TEX9: variants seen among roughly 807,000 people sequenced by gnomAD.
The protein encoded by TEX9 is testis-expressed protein 9.
Under a neutral mutation model 59.6 loss-of-function variants are expected in TEX9, and 74 were observed. The observed-to-expected ratio is 1.24, with a 90% CI of 1.03 to 1.51. The LOEUF (loss-of-function observed/expected upper bound fraction) is 1.51, where lower values mean the gene tolerates loss of function less well. Among genes scored for constraint, TEX9 ranks in the 40% most tolerant of loss-of-function variants. TEX9 has a pLI of 0.00. For synonymous variants in TEX9, 186 were observed against 152.2 expected, an observed-to-expected ratio of 1.22 and a Z score of -1.64; for missense variants, 522 against 447.8, an observed-to-expected ratio of 1.17 and a Z score of -1.49.
At chr15:56,397,358 G>A (rs1169234852) in intron 9 of TEX9, 1 of 152,442 alleles carries the variant, frequency 6.6e-6, no homozygotes, top group Non-Finnish European at 1.5e-5. Context: ...TGCTGTTAAA[G>A]GCATCCAGTT....
At chr15:56,443,873 TAC>T in intron 12 of TEX9, 1 of 1,528,894 alleles carries the variant, frequency 6.5e-7, no homozygotes, top group Non-Finnish European at 8.9e-7. Context: ...CAATAACAAG[TAC>T]AGATTTATAG....
At chr15:56,352,718 T>G (rs1453557723) in intron 1 of TEX9, among the ~76,000 whole-genome samples, 1 of 152,196 alleles carries the variant, frequency 6.6e-6, no homozygotes, top group Non-Finnish European at 1.5e-5. Context: ...ATCAGGTTAC[T>G]GGAAAGCAGC....
At chr15:56,351,587 C>T (rs1381981823) in intron 1 of TEX9, among the ~76,000 whole-genome samples, 1 of 152,010 alleles carries the variant, frequency 6.6e-6, no homozygotes. Flanking sequence ...GGGAGAACAG[C>T]AGGAAAAGCC....
intron 1 of TEX9, among the ~76,000 whole-genome samples, chr15:56,261,396 C>T (rs1331452831): frequency 6.6e-6 from 1 of 151,856 alleles, no homozygotes; most frequent in South Asian, 2.1e-4. Flanking sequence ...AGAACCCACA[C>T]AGTAATTTTA....
chr15:56,279,610 T>C (rs2044765450), intron 1 of TEX9, among the ~76,000 whole-genome samples: 2 of 152,200 alleles, frequency 1.3e-5, no homozygotes, highest in South Asian at 4.1e-4. Flanking sequence ...CACCTAATTT[T>C]ATGGAATTTA....
intron 1 of TEX9, among the ~76,000 whole-genome samples, chr15:56,254,175 A>G (rs1465186377): frequency 6.6e-6 from 1 of 152,070 alleles, no homozygotes; most frequent in Non-Finnish European, 1.5e-5. Flanking sequence ...GACAAGAAAA[A>G]TGCCGTAAGT....
At chr15:56,319,375 C>T (rs1199038151) in intron 1 of TEX9, among the ~76,000 whole-genome samples, 1 of 151,196 alleles carries the variant, frequency 6.6e-6, no homozygotes, top group Non-Finnish European at 1.5e-5. Context: ...GTCAACAAAA[C>T]AAGACATATA....
At chr15:56,391,497 C>T in intron 7 of TEX9, 79 bp downstream of exon 7, 3 of 1,021,112 alleles carry the variant, frequency 2.9e-6, no homozygotes, top group Non-Finnish European at 4.0e-6. Flanking sequence ...ACTATTTCTT[C>T]CATTTAAAAA....
intron 1 of TEX9, among the ~76,000 whole-genome samples, chr15:56,281,355 A>G (rs956865475): frequency 7.2e-5 from 11 of 152,262 alleles, no homozygotes; most frequent in Non-Finnish European, 1.6e-4. Context: ...GCTGCACAGC[A>G]GGAGGGGAGC....
At chr15:56,431,759 G>A (rs2050603550) in intron 12 of TEX9, among the ~76,000 whole-genome samples, 1 of 151,802 alleles carries the variant, frequency 6.6e-6, no homozygotes, top group African/African-American at 2.4e-5. Flanking sequence ...TCATTACCAA[G>A]GGAAAAAATA....
At chr15:56,395,050 A>G (rs2142340334) in intron 9 of TEX9, 2 of 545,004 alleles carry the variant, frequency 3.7e-6, no homozygotes, top group Non-Finnish European at 6.4e-6. Flanking sequence ...TATTCATAGA[A>G]TTGTGCAACT....
intron 12 of TEX9, chr15:56,428,683 A>C (rs1181019155): frequency 2.5e-6 from 1 of 400,428 alleles, no homozygotes; most frequent in African/African-American, 2.1e-5. Flanking sequence ...GACTCTTTTC[A>C]TTTATAATTC....
chr15:56,460,005 A>ATATATATATATATATATATATATAT, the TEX9 span, among the ~76,000 whole-genome samples: 2 of 30,516 alleles, frequency 6.6e-5, 1 homozygote, highest in African/African-American at 2.4e-4. Flanking sequence ...AAAAAAAAAA[A>ATATATATATATATATATATATATAT]AAAAATACAT....
chr15:56,417,362 C>T (rs1488328303), intron 10 of TEX9, among the ~76,000 whole-genome samples: 1 of 151,794 alleles, frequency 6.6e-6, no homozygotes, highest in Non-Finnish European at 1.5e-5. Flanking sequence ...TCTTAACTCT[C>T]CCTTAGCTGT....
intron 9 of TEX9, among the ~76,000 whole-genome samples, chr15:56,411,591 G>A (rs2049348174): frequency 6.6e-6 from 1 of 152,176 alleles, no homozygotes; most frequent in African/African-American, 2.4e-5. Context: ...AAACACCATG[G>A]CTGTTTGGGA....
chr15:56,423,852 A>T (rs1415654773), intron 10 of TEX9, among the ~76,000 whole-genome samples: 1 of 152,002 alleles, frequency 6.6e-6, no homozygotes, highest in African/African-American at 2.4e-5. Context: ...GATTTCTGAG[A>T]TTTTGGTGCA....
the TEX9 span, among the ~76,000 whole-genome samples, chr15:56,458,350 C>A: frequency 1.3e-5 from 2 of 152,066 alleles, no homozygotes; most frequent in Non-Finnish European, 2.9e-5. Flanking sequence ...CACAGAGTTC[C>A]CATATATTCC....
chr15:56,289,533 G>A (rs2045036200), intron 1 of TEX9, among the ~76,000 whole-genome samples: 2 of 152,216 alleles, frequency 1.3e-5, no homozygotes, highest in African/African-American at 4.8e-5. Flanking sequence ...ATCCTTCGCA[G>A]CTAACACTGT....
At chr15:56,431,477 G>A (rs1172143040) in intron 12 of TEX9, 5 of 1,613,400 alleles carry the variant, frequency 3.1e-6, no homozygotes, top group East Asian at 2.2e-5. Context: ...TGCTGCAACT[G>A]CCACTCTTCT....
Sources: allele counts gnomAD v4.1 joint callset (sites outside exome capture counted in the v4.1 genomes callset), GRCh38; gene constraint gnomAD v4.1.1; transcripts MANE v1.5; gene names NCBI Gene and HGNC (gene_info 2026-07-23, HGNC 2026-07-21).